AMPH: variants seen among roughly 807,000 people sequenced by gnomAD.
AMPH encodes amphiphysin.
In AMPH, 49 loss-of-function variants were observed where a neutral mutation model predicts 99.1. The observed-to-expected ratio is 0.49, with a 90% CI of 0.39 to 0.63. The LOEUF is 0.63. Ranked by LOEUF, AMPH falls within the 20% of genes least tolerant of loss-of-function variation. The pLI is 0.00. For synonymous variants in AMPH, 314 were observed against 317.3 expected (o/e 0.99, Z 0.11); for missense variants, 759 against 863.4 (o/e 0.88, Z 1.52).
At chr7:38,464,179 T>C in intron 9 of AMPH, 1 of 1,233,150 alleles carries the variant, frequency 8.1e-7, no homozygotes, top group African/African-American at 1.5e-5. Flanking sequence ...GTATCTCATT[T>C]GGCAACATTA....
intron 8 of AMPH, 119 bp from the exon 9 acceptor site, chr7:38,465,668 T>C (rs779071337): frequency 8.2e-6 from 7 of 851,832 alleles, no homozygotes; most frequent in Non-Finnish European, 1.3e-5. Context: ...ATAGCTTGGA[T>C]GGCCTCAGGA....
At chr7:38,411,952 G>A (rs1345909387) in intron 17 of AMPH, among the ~76,000 whole-genome samples, 2 of 152,178 alleles carry the variant, frequency 1.3e-5, no homozygotes, top group Non-Finnish European at 2.9e-5. Flanking sequence ...GATTTAGTAT[G>A]TGACAAAAAG....
chr7:38,604,069 G>A (rs1793347290), intron 1 of AMPH, among the ~76,000 whole-genome samples: 1 of 152,168 alleles, frequency 6.6e-6, no homozygotes, highest in South Asian at 2.1e-4. Flanking sequence ...GAATTTCCAG[G>A]AAGCTTCAAA....
At chr7:38,468,560 G>T (rs559453295) in intron 7 of AMPH, among the ~76,000 whole-genome samples, 13 of 152,146 alleles carry the variant, frequency 8.5e-5, no homozygotes, top group African/African-American at 3.1e-4. Flanking sequence ...CTAATATTTT[G>T]TTTTTTAATT....
intron 11 of AMPH, among the ~76,000 whole-genome samples, chr7:38,439,904 C>T (rs750293925): frequency 4.6e-5 from 7 of 152,164 alleles, no homozygotes; most frequent in African/African-American, 1.2e-4. Flanking sequence ...AGCCTTGCCA[C>T]GGCTTCGTGA....
chr7:38,441,659 G>A (rs1786510572), intron 11 of AMPH, among the ~76,000 whole-genome samples: 1 of 150,850 alleles, frequency 6.6e-6, no homozygotes, highest in African/African-American at 2.4e-5. Context: ...GTTTGTCGCA[G>A]CAATATTCAC....
At chr7:38,598,934 A>G (rs1019676222) in intron 1 of AMPH, among the ~76,000 whole-genome samples, 2 of 152,120 alleles carry the variant, frequency 1.3e-5, no homozygotes, top group African/African-American at 4.8e-5. Flanking sequence ...TTTCCTGTAT[A>G]ACATAAAAGC....
intron 13 of AMPH, chr7:38,430,204 A>T: frequency 3.3e-6 from 1 of 299,136 alleles, no homozygotes; most frequent in South Asian, 5.9e-5. Context: ...GAATAAGATC[A>T]AGCACTAGAG....
At chr7:38,523,845 A>G (rs1790063483) in intron 2 of AMPH, among the ~76,000 whole-genome samples, 1 of 152,200 alleles carries the variant, frequency 6.6e-6, no homozygotes, top group South Asian at 2.1e-4. Context: ...CTAGTAGGTG[A>G]CAGTTTGATG....
chr7:38,631,256 C>T (rs757984227), intron 1 of AMPH, 27 bp downstream of exon 1: 3 of 1,511,348 alleles, frequency 2.0e-6, no homozygotes, highest in South Asian at 1.2e-5. Flanking sequence ...GCGTCCCCGG[C>T]CCCAGCCCCG....
chr7:38,561,990 G>A (rs1791569002), intron 1 of AMPH, among the ~76,000 whole-genome samples: 1 of 149,096 alleles, frequency 6.7e-6, no homozygotes, highest in Admixed American at 6.7e-5. Flanking sequence ...TGTTATGGCA[G>A]CCGAGGCTGA....
intron 17 of AMPH, among the ~76,000 whole-genome samples, chr7:38,395,656 C>A (rs542578943): frequency 6.6e-6 from 1 of 152,172 alleles, no homozygotes; most frequent in Non-Finnish European, 1.5e-5. Flanking sequence ...AAAAATGGCT[C>A]TTACTATCTG....
intron 1 of AMPH, among the ~76,000 whole-genome samples, chr7:38,626,174 C>A (rs544032008): frequency 6.6e-6 from 1 of 152,002 alleles, no homozygotes; most frequent in Admixed American, 6.5e-5. Context: ...TTAAATTTTA[C>A]CTTAAGTTCT....
intron 16 of AMPH, among the ~76,000 whole-genome samples, chr7:38,418,866 C>A (rs1785487674): frequency 6.6e-6 from 1 of 152,066 alleles, no homozygotes; most frequent in South Asian, 2.1e-4. Context: ...TCTCTTAGAT[C>A]AAGGCCTTTT....
At chr7:38,494,787 T>C (rs1333326526) in intron 3 of AMPH, among the ~76,000 whole-genome samples, 1 of 152,200 alleles carries the variant, frequency 6.6e-6, no homozygotes, top group African/African-American at 2.4e-5. Flanking sequence ...AGTATCCTAC[T>C]CTGAAAACTA....
Position 38,463,118 on chromosome 7 carries a change from A to T in AMPH, c.750-5T>A, listed in dbSNP as rs1441572804. 6.2e-7 allele frequency: 1 copy of T among 1,613,904 alleles called. No homozygotes were observed. The highest frequency in any genetic ancestry group is 8.5e-7 in the Non-Finnish European group (1 of 1,179,832). ...ATGCGGAGAGGACCCGAATCACTAG[A>T]GGAACACAGGGGATTGGGCAAGGGG... is the stretch of plus-strand genomic sequence containing the variant. On this transcript the variant is annotated splice_polypyrimidine_tract_variant and splice_region_variant and intron_variant, in intron 9 of 20. Coordinates refer to ENST00000356264, the MANE Select transcript of AMPH (RefSeq NM_001635.4).
chr7:38,610,318 AAAGAAAAGAAAAGAAAAAAG>A (rs1793610361), intron 1 of AMPH, among the ~76,000 whole-genome samples: 2 of 39,688 alleles, frequency 5.0e-5, no homozygotes, highest in South Asian at 4.8e-4. Flanking sequence ...AAAGAAAAGA[AAAGAAAAGAAAAGAAAAAAG>A]AAAAGAAAAG....
At chr7:38,460,525 A>C (rs530813037) in intron 11 of AMPH, among the ~76,000 whole-genome samples, 1 of 152,312 alleles carries the variant, frequency 6.6e-6, no homozygotes, top group East Asian at 1.9e-4. Context: ...TGAATCAAAA[A>C]AGAATGAAAT....
chr7:38,446,677 G>A (rs1308811061), intron 11 of AMPH, among the ~76,000 whole-genome samples: 2 of 152,138 alleles, frequency 1.3e-5, no homozygotes, highest in Non-Finnish European at 2.9e-5. Flanking sequence ...ACTTCTTGGG[G>A]TGACATATAT....
Sources: allele counts gnomAD v4.1 joint callset (sites outside exome capture counted in the v4.1 genomes callset), GRCh38; gene constraint gnomAD v4.1.1; transcripts MANE v1.5; gene names NCBI Gene and HGNC (gene_info 2026-07-23, HGNC 2026-07-21).